Variants in TMEM108 observed in about 807,000 individuals in gnomAD.
The protein encoded by TMEM108 is transmembrane protein 108.
In TMEM108, 12 loss-of-function variants were observed where a neutral mutation model predicts 35.1. That is an observed-to-expected ratio of 0.34 (90% confidence interval 0.22 to 0.55). TMEM108 has a LOEUF of 0.55. TMEM108 is among the 20% of genes least tolerant of loss of function. The pLI is 0.89. For missense variants in TMEM108, 680 were observed against 753.3 expected, an observed-to-expected ratio of 0.90 and a Z score of 1.14; for synonymous variants, 287 against 308.6, an observed-to-expected ratio of 0.93 and a Z score of 0.73.
intron 4 of TMEM108, among the ~76,000 whole-genome samples, chr3:133,385,001 T>A (rs2073111176): frequency 6.6e-6 from 1 of 152,120 alleles, no homozygotes; most frequent in Non-Finnish European, 1.5e-5. Context: ...CAGAGCAGTC[T>A]GGCCTCCTTC....
At chr3:133,218,180 G>A (rs995187810) in intron 2 of TMEM108, among the ~76,000 whole-genome samples, 1 of 151,674 alleles carries the variant, frequency 6.6e-6, no homozygotes, top group Non-Finnish European at 1.5e-5. Flanking sequence ...ATTGCAAATG[G>A]GATTGTTTTA....
At chr3:133,170,820 G>A (rs116807291) in intron 2 of TMEM108, among the ~76,000 whole-genome samples, 2,042 of 152,188 alleles carry the variant, frequency 0.013, 53 homozygotes, top group African/African-American at 0.046. Context: ...AGGTATTGTT[G>A]CTGAATTGTG....
chr3:133,277,813 A>G (rs1272732051), intron 3 of TMEM108, among the ~76,000 whole-genome samples: 1 of 152,222 alleles, frequency 6.6e-6, no homozygotes, highest in East Asian at 1.9e-4. Flanking sequence ...CTTTGTTTCC[A>G]TAGAAAGACC....
intron 2 of TMEM108, among the ~76,000 whole-genome samples, chr3:133,171,428 G>A (rs1033964627): frequency 1.3e-5 from 2 of 152,190 alleles, no homozygotes; most frequent in Non-Finnish European, 2.9e-5. Context: ...CTATGCTGGA[G>A]TGCAGTGGTG....
At chr3:133,260,546 T>G (rs180987866) in intron 3 of TMEM108, among the ~76,000 whole-genome samples, 1 of 152,124 alleles carries the variant, frequency 6.6e-6, no homozygotes, top group Non-Finnish European at 1.5e-5. Flanking sequence ...GAGGGCCAAT[T>G]GTGGTCAGAG....
At chr3:133,132,558 C>T (rs1329795023) in intron 2 of TMEM108, among the ~76,000 whole-genome samples, 1 of 152,138 alleles carries the variant, frequency 6.6e-6, no homozygotes, top group Non-Finnish European at 1.5e-5. Context: ...AATATTATTG[C>T]TCATTGACAA....
chr3:133,071,719 T>C (rs995945590), intron 2 of TMEM108, among the ~76,000 whole-genome samples: 9 of 152,210 alleles, frequency 5.9e-5, no homozygotes, highest in Non-Finnish European at 1.3e-4. Flanking sequence ...GGGAGTTCTT[T>C]CTGTGTTCTG....
intron 4 of TMEM108, chr3:133,388,985 A>G: frequency 1.0e-6 from 1 of 985,686 alleles, no homozygotes; most frequent in Non-Finnish European, 1.2e-6. Flanking sequence ...GGTTGGCACC[A>G]CCAGGATGTC....
chr3:133,334,272 G>A (rs1055665889), intron 3 of TMEM108, among the ~76,000 whole-genome samples: 6 of 152,158 alleles, frequency 3.9e-5, no homozygotes, highest in Middle Eastern at 3.4e-3. Context: ...TATTTCTGCC[G>A]TGAAGGATCA....
At chr3:133,370,871 AGTGTGTGTGTGTGTGTGT>A (rs71624013) in intron 3 of TMEM108, among the ~76,000 whole-genome samples, 41 of 125,556 alleles carry the variant, frequency 3.3e-4, no homozygotes, top group Middle Eastern at 4.1e-3. Flanking sequence ...CCCAGCCCAT[AGTGTGTGTGTGTGTGTGT>A]GTGTGTGTGT....
chr3:133,206,238 T>TAG (rs1945751470), intron 2 of TMEM108, among the ~76,000 whole-genome samples: 1 of 152,226 alleles, frequency 6.6e-6, no homozygotes, highest in South Asian at 2.1e-4. Flanking sequence ...TGCATTGGGT[T>TAG]AGAACATGCT....
chr3:133,161,640 T>G (rs570442952), intron 2 of TMEM108, among the ~76,000 whole-genome samples: 2 of 152,216 alleles, frequency 1.3e-5, no homozygotes, highest in South Asian at 4.2e-4. Flanking sequence ...CAGTGATATG[T>G]TCAAAGAAAC....
intron 3 of TMEM108, among the ~76,000 whole-genome samples, chr3:133,351,876 C>T (rs1026528491): frequency 3.3e-5 from 5 of 152,170 alleles, no homozygotes; most frequent in Non-Finnish European, 7.3e-5. Flanking sequence ...TAGTGTGCAG[C>T]TGTTATTAGA....
At chr3:133,237,849 A>G (rs1018279414) in intron 3 of TMEM108, among the ~76,000 whole-genome samples, 2 of 152,198 alleles carry the variant, frequency 1.3e-5, no homozygotes, top group African/African-American at 2.4e-5. Context: ...TGAGTTTGTC[A>G]TGAGTTAATA....
At chr3:133,118,114 G>A (rs1442711272) in intron 2 of TMEM108, among the ~76,000 whole-genome samples, 2 of 151,956 alleles carry the variant, frequency 1.3e-5, no homozygotes, top group East Asian at 1.9e-4. Flanking sequence ...ACTACCTCTA[G>A]GTTCTCTGAT....
chr3:133,237,426 C>A (rs1946254842), intron 3 of TMEM108, among the ~76,000 whole-genome samples: 1 of 152,058 alleles, frequency 6.6e-6, no homozygotes, highest in Admixed American at 6.6e-5. Context: ...TTTAATAGTC[C>A]TCTGTTTATT....
chr3:133,235,770 C>T (rs1946226987), intron 3 of TMEM108, among the ~76,000 whole-genome samples: 1 of 152,160 alleles, frequency 6.6e-6, no homozygotes, highest in African/African-American at 2.4e-5. Context: ...ATTTGGTCCT[C>T]ACAACAACCT....
At chr3:133,366,154 G>C (rs969235033) in intron 3 of TMEM108, among the ~76,000 whole-genome samples, 1 of 152,220 alleles carries the variant, frequency 6.6e-6, no homozygotes, top group African/African-American at 2.4e-5. Context: ...GTTATTTGCA[G>C]ATGTGGTAGG....
chr3:133,039,265 T>G (rs1197880596), intron 1 of TMEM108, among the ~76,000 whole-genome samples: 1 of 152,206 alleles, frequency 6.6e-6, no homozygotes, highest in Non-Finnish European at 1.5e-5. Flanking sequence ...TAGGGGTTTT[T>G]TTCGGAGGAA....
Sources: gnomAD v4.1 joint callset for allele counts (sites outside exome capture counted in the v4.1 genomes callset) on GRCh38, gnomAD v4.1.1 for gene constraint, MANE v1.5 for transcripts, NCBI Gene and HGNC (gene_info 2026-07-23, HGNC 2026-07-21) for gene names.